Variants in RANBP2 observed in about 807,000 individuals in gnomAD.
RANBP2 encodes the protein E3 SUMO-protein ligase RanBP2.
In RANBP2, 57 loss-of-function variants were observed where a neutral mutation model predicts 303.6. The observed-to-expected ratio is 0.19, with a 90% CI of 0.15 to 0.23. The LOEUF (loss-of-function observed/expected upper bound fraction) is 0.23, where lower values mean the gene tolerates loss of function less well. Among genes scored for constraint, RANBP2 ranks in the 10% least tolerant of loss-of-function variants. The probability of loss-of-function intolerance (pLI) is 1.00; values close to 1 mark genes in which losing one functional copy is unlikely to be tolerated. For missense variants in RANBP2, 3,138 were observed against 3,780.8 expected (o/e 0.83, Z 4.46); for synonymous variants, 1,167 against 1,301.5 (o/e 0.90, Z 2.23).
At chr2:109,023,074 T>A in the RANBP2 span, among the ~76,000 whole-genome samples, 85 of 152,212 alleles carry the variant, frequency 5.6e-4, no homozygotes, top group Non-Finnish European at 8.7e-4. Flanking sequence ...AAAAGAATTA[T>A]CCTAGGATTA....
Position 108,764,996 on chromosome 2 carries a change from G to C in RANBP2, c.4457G>C (p.Ser1486Thr), listed in dbSNP as rs764998967. 2 of 1,614,090 alleles carry C rather than the reference G, an allele frequency of 1.2e-6. No homozygotes were observed. Among genetic ancestry groups the C allele is most frequent in the South Asian group, 1.1e-5 (1 of 91,080 alleles). Residue 1486 changes from serine to threonine, a missense_variant, in exon 20 of 29, where the codon AGT (serine) becomes ACT (threonine). Coordinates refer to ENST00000283195, the MANE Select transcript of RANBP2 (RefSeq NM_006267.5). ...ACAAAGGAAGGACAGTGGGATTGCA[G>C]TGCATGTTTGGTACAAAATGAGGGG... ...FSTKEGQWDC[S>T]ACLVQNEGSS...
chr2:109,230,159 C>T, the RANBP2 span, among the ~76,000 whole-genome samples: 1 of 151,994 alleles, frequency 6.6e-6, no homozygotes, highest in African/African-American at 2.4e-5. Context: ...ACTAATATTC[C>T]GTCGTATGGA....
At chr2:109,093,396 C>T in the RANBP2 span, among the ~76,000 whole-genome samples, 33 of 121,116 alleles carry the variant, frequency 2.7e-4, no homozygotes, top group Admixed American at 8.5e-4. Context: ...ACCACGTTTG[C>T]GGAGATTTGT....
At chr2:109,339,299 A>G in the RANBP2 span, among the ~76,000 whole-genome samples, 1 of 152,134 alleles carries the variant, frequency 6.6e-6, no homozygotes, top group African/African-American at 2.4e-5. Flanking sequence ...GGGGGGTAAC[A>G]TGAAAGTAAT....
At chr2:108,814,792 C>T in the RANBP2 span, among the ~76,000 whole-genome samples, 1 of 151,416 alleles carries the variant, frequency 6.6e-6, no homozygotes, top group African/African-American at 2.4e-5. Context: ...CCCACCACCA[C>T]GCCTGGCTAA....
the RANBP2 span, among the ~76,000 whole-genome samples, chr2:108,879,630 A>G: frequency 2.6e-5 from 4 of 152,174 alleles, no homozygotes; most frequent in Non-Finnish European, 5.9e-5. Context: ...AGTTTTTAGT[A>G]TATTATTATT....
the RANBP2 span, among the ~76,000 whole-genome samples, chr2:109,693,229 G>C: frequency 6.6e-6 from 1 of 152,054 alleles, no homozygotes; most frequent in East Asian, 1.9e-4. Context: ...CCAGGCTGGA[G>C]TGCAGTGGCA....
At chr2:109,393,944 C>T in the RANBP2 span, among the ~76,000 whole-genome samples, 5 of 152,038 alleles carry the variant, frequency 3.3e-5, no homozygotes, top group East Asian at 3.9e-4. Context: ...TATACTCTGG[C>T]GCTGTCGTGG....
At chr2:108,856,436 A>G in the RANBP2 span, among the ~76,000 whole-genome samples, 1 of 152,212 alleles carries the variant, frequency 6.6e-6, no homozygotes, top group African/African-American at 2.4e-5. Flanking sequence ...GCTATTATAG[A>G]GATAGAAATA....
the RANBP2 span, among the ~76,000 whole-genome samples, chr2:109,735,548 A>C: frequency 6.6e-6 from 1 of 152,168 alleles, no homozygotes. Context: ...AAATGTGATC[A>C]AAACTTGATT....
chr2:108,757,250 G>C (rs1558911029), intron 17 of RANBP2, among the ~76,000 whole-genome samples: 1 of 152,122 alleles, frequency 6.6e-6, no homozygotes, highest in Non-Finnish European at 1.5e-5. Context: ...TAGGTTCTAG[G>C]GTTGGGTATG....
At chr2:109,184,550 T>A in the RANBP2 span, among the ~76,000 whole-genome samples, 3 of 152,178 alleles carry the variant, frequency 2.0e-5, no homozygotes. Context: ...AGCTGTTGCT[T>A]AGCTTTGAGC....
At chr2:109,274,541 A>G in the RANBP2 span, among the ~76,000 whole-genome samples, 5 of 152,258 alleles carry the variant, frequency 3.3e-5, no homozygotes, top group African/African-American at 1.2e-4. Flanking sequence ...AAAAGGTCAC[A>G]TATTGTATGA....
At chr2:109,428,601 G>T in the RANBP2 span, among the ~76,000 whole-genome samples, 1 of 152,216 alleles carries the variant, frequency 6.6e-6, no homozygotes. Flanking sequence ...CCCTCAAGAG[G>T]CGCTTTTTCT....
At chr2:109,472,514 G>A in the RANBP2 span, among the ~76,000 whole-genome samples, 3 of 152,212 alleles carry the variant, frequency 2.0e-5, no homozygotes, top group East Asian at 5.8e-4. Flanking sequence ...GAAGAGCTTT[G>A]ATTTACGGTT....
the RANBP2 span, among the ~76,000 whole-genome samples, chr2:109,272,982 GA>G: frequency 1.3e-5 from 2 of 152,200 alleles, no homozygotes; most frequent in Admixed American, 1.3e-4. Flanking sequence ...GCTACTGGAA[GA>G]AATTAAAACA....
the RANBP2 span, among the ~76,000 whole-genome samples, chr2:109,507,997 C>G: frequency 6.6e-6 from 1 of 151,752 alleles, no homozygotes; most frequent in Non-Finnish European, 1.5e-5. Flanking sequence ...GAGTTTGCTT[C>G]AGGCATAGCT....
the RANBP2 span, among the ~76,000 whole-genome samples, chr2:109,031,447 TCTTAC>T: frequency 6.8e-6 from 1 of 146,498 alleles, no homozygotes; most frequent in African/African-American, 2.8e-5. Context: ...GGAGGCCCCC[TCTTAC>T]TACTGTTGCA....
At chr2:109,280,432 G>C in the RANBP2 span, among the ~76,000 whole-genome samples, 2 of 152,162 alleles carry the variant, frequency 1.3e-5, no homozygotes, top group African/African-American at 4.8e-5. Flanking sequence ...CCCCAGTCTG[G>C]TGGACGCTCA....
Sources: gnomAD v4.1 joint callset for allele counts (sites outside exome capture counted in the v4.1 genomes callset) on GRCh38, gnomAD v4.1.1 for gene constraint, MANE v1.5 for transcripts, NCBI Gene and HGNC (gene_info 2026-07-23, HGNC 2026-07-21) for gene names.